The following SDCCAG8 variants were observed in gnomAD, a reference collection of about 807,000 sequenced individuals.
The protein encoded by SDCCAG8 is serologically defined colon cancer antigen 8.
A neutral mutation model predicts 101.8 loss-of-function variants in SDCCAG8; 74 were observed. That is an observed-to-expected ratio of 0.73 (90% CI 0.60 to 0.88). The LOEUF (loss-of-function observed/expected upper bound fraction) is 0.88, where lower values mean the gene tolerates loss of function less well. Ranked by LOEUF, SDCCAG8 falls within the 40% of genes least tolerant of loss-of-function variation. SDCCAG8 has a pLI of 0.00. For synonymous variants in SDCCAG8, 281 were observed against 292.9 expected, an observed-to-expected ratio of 0.96 and a Z score of 0.41; for missense variants, 787 against 822.6, an observed-to-expected ratio of 0.96 and a Z score of 0.53.
chr1:243,494,368 C>A (rs1667288543), intron 17 of SDCCAG8, among the ~76,000 whole-genome samples: 1 of 152,154 alleles, frequency 6.6e-6, no homozygotes, highest in Non-Finnish European at 1.5e-5. Flanking sequence ...ACACTGTCAA[C>A]CAAAGTGACT....
chr1:243,326,469 A>C (rs1196415779), intron 9 of SDCCAG8, among the ~76,000 whole-genome samples: 1 of 152,232 alleles, frequency 6.6e-6, no homozygotes, highest in Non-Finnish European at 1.5e-5. Flanking sequence ...TTATAGTCAC[A>C]AGGATAGAAA....
At chr1:243,468,449 C>T (rs1338229469) in intron 16 of SDCCAG8, among the ~76,000 whole-genome samples, 1 of 152,186 alleles carries the variant, frequency 6.6e-6, no homozygotes, top group Non-Finnish European at 1.5e-5. Flanking sequence ...AACTCCTGAC[C>T]TCAGGTGATC....
At chr1:243,361,181 G>C (rs747253530) in intron 12 of SDCCAG8, among the ~76,000 whole-genome samples, 4 of 152,154 alleles carry the variant, frequency 2.6e-5, no homozygotes, top group Non-Finnish European at 4.4e-5. Context: ...CTTTGGACTT[G>C]CTCTTTTCTT....
chr1:243,458,286 C>T lies in SDCCAG8; in HGVS notation c.1986-30728C>T, dbSNP rs1658244139. Among the ~76,000 whole-genome samples the T allele has an allele frequency of 6.6e-6, 1 of 152,132 alleles. No individual in the cohort carries two copies. The highest frequency in any genetic ancestry group is 6.5e-5 in the Admixed American group (1 of 15,276). ...TTGGTTCTGGCCCTGTCCTTGATTC[C>T]CTAATTTCCACAGTTTGACAGCACC... On this transcript the variant is annotated intron_variant, in intron 16 of 17. Coordinates refer to ENST00000366541, the MANE Select transcript of SDCCAG8 (RefSeq NM_006642.5). This position sits in a 1 kb window ranked among gnomAD's most constrained non-coding sequence, Gnocchi z 4.5.
intron 6 of SDCCAG8, among the ~76,000 whole-genome samples, chr1:243,294,696 T>TTCCCCC (rs796839957): frequency 3.2e-4 from 20 of 62,220 alleles, no homozygotes; most frequent in Admixed American, 7.4e-4. Context: ...CTTTCTAAAT[T>TTCCCCC]CCCCCCCCCC....
chr1:243,256,335 C>A, intron 1 of SDCCAG8, 95 bp downstream of exon 1: 2 of 946,400 alleles, frequency 2.1e-6, no homozygotes, highest in Non-Finnish European at 3.5e-6. Flanking sequence ...CTGGGTTCTG[C>A]CCCGTCCACG....
At chr1:243,296,517 T>TA (rs2070895469) in intron 6 of SDCCAG8, among the ~76,000 whole-genome samples, 2 of 136,100 alleles carry the variant, frequency 1.5e-5, no homozygotes, top group South Asian at 4.7e-4. Context: ...CGTCCCCCTG[T>TA]AGTCCACCCC....
At chr1:243,271,677 G>T (rs1357070153) in intron 3 of SDCCAG8, among the ~76,000 whole-genome samples, 1 of 151,744 alleles carries the variant, frequency 6.6e-6, no homozygotes, top group African/African-American at 2.4e-5. Context: ...CTAGTATTTG[G>T]GTTTACAGAT....
At chr1:243,379,122 G>T (rs574123423) in intron 13 of SDCCAG8, among the ~76,000 whole-genome samples, 1 of 152,120 alleles carries the variant, frequency 6.6e-6, no homozygotes, top group Admixed American at 6.6e-5. Context: ...CAATATAAGC[G>T]AAATGACATA....
chr1:243,401,110 A>C (rs140440803), intron 13 of SDCCAG8, among the ~76,000 whole-genome samples: 2 of 152,312 alleles, frequency 1.3e-5, no homozygotes, highest in African/African-American at 4.8e-5. Flanking sequence ...TCTATAAATA[A>C]CCATCTTGTA....
At position 243,290,453 on chromosome 1, in the gene SDCCAG8, C is replaced by G. The variant is rs190031257; in HGVS notation, c.547-2638C>G. Among the ~76,000 whole-genome samples the G allele has an allele frequency of 5.0e-3, 761 of 152,150 alleles. 6 individuals are homozygous for G. Among genetic ancestry groups the G allele is most frequent in the Non-Finnish European group, 8.8e-3 (599 of 67,994 alleles). ...ATTTCTCCATAGAAAATTAGTACCA[C>G]CCTCCTTCATTGATCTCAAAAACAA... On this transcript the variant is annotated intron_variant, in intron 5 of 17. Coordinates refer to ENST00000366541, the MANE Select transcript of SDCCAG8 (RefSeq NM_006642.5).
chr1:243,281,144 A>G (rs1218254822), intron 4 of SDCCAG8, among the ~76,000 whole-genome samples: 1 of 151,982 alleles, frequency 6.6e-6, no homozygotes, highest in Non-Finnish European at 1.5e-5. Context: ...ATCTCTGATC[A>G]TTTTCATTGG....
rs1187105124 is a variant in SDCCAG8 at position 243,378,708 on chromosome 1, C to T, written c.1474-13C>T. On this transcript the variant is annotated splice_polypyrimidine_tract_variant and intron_variant, in intron 12 of 17. Coordinates refer to ENST00000366541, the MANE Select transcript of SDCCAG8 (RefSeq NM_006642.5). ...TTTTATATGGATGCTTTTTCCCCTT[C>T]TCTCTACCTAAGGAAATAGAGAAAT... is the stretch of plus-strand genomic sequence containing the variant. 6.2e-7 allele frequency: 1 copy of T among 1,613,412 alleles called. No homozygotes were observed. The highest frequency in any genetic ancestry group is 8.5e-7 in the Non-Finnish European group (1 of 1,179,490).
At chr1:243,418,134 TCC>T (rs2080734210) in intron 15 of SDCCAG8, 58 bp downstream of exon 15, 3 of 1,239,018 alleles carry the variant, frequency 2.4e-6, no homozygotes, top group Non-Finnish European at 3.6e-6. Context: ...CTCTAATTTT[TCC>T]TTAAAAAACA....
chr1:243,297,648 C>G (rs551605497), intron 6 of SDCCAG8, among the ~76,000 whole-genome samples: 5 of 152,304 alleles, frequency 3.3e-5, no homozygotes, highest in African/African-American at 1.2e-4. Flanking sequence ...ACTTATAGTG[C>G]TATCTTGTGA....
chr1:243,413,831 G>A (rs2080367475), intron 13 of SDCCAG8, among the ~76,000 whole-genome samples: 2 of 152,128 alleles, frequency 1.3e-5, no homozygotes, highest in South Asian at 4.1e-4. Context: ...TAGCAGCACG[G>A]TCTCCAGCTG....
At chr1:243,442,424 C>T (rs755615335) in intron 16 of SDCCAG8, among the ~76,000 whole-genome samples, 13 of 152,218 alleles carry the variant, frequency 8.5e-5, no homozygotes, top group South Asian at 2.1e-4. Context: ...GCAGTAACTA[C>T]GTGGCATGTG....
chr1:243,318,739 C>A (rs1321804081), intron 9 of SDCCAG8, among the ~76,000 whole-genome samples: 1 of 152,114 alleles, frequency 6.6e-6, no homozygotes, highest in African/African-American at 2.4e-5. Context: ...TGTTTCAAAA[C>A]CTTCAGTGAA....
intron 16 of SDCCAG8, among the ~76,000 whole-genome samples, chr1:243,445,425 G>A (rs1267074310): frequency 6.6e-6 from 1 of 152,180 alleles, no homozygotes; most frequent in Non-Finnish European, 1.5e-5. Flanking sequence ...CCAGAAATAG[G>A]GAGGTGGACT....
Sources: allele counts gnomAD v4.1 joint callset (sites outside exome capture counted in the v4.1 genomes callset), GRCh38; gene constraint gnomAD v4.1.1; non-coding constraint Gnocchi (gnomAD v3.1); transcripts MANE v1.5; gene names NCBI Gene and HGNC (gene_info 2026-07-23, HGNC 2026-07-21).